The following NTRK3 variants were observed in gnomAD, a reference collection of about 807,000 sequenced individuals.
NTRK3 encodes NT-3 growth factor receptor.
NTRK3 carries 24 observed loss-of-function variants against 91.7 expected under a neutral mutation model. The observed-to-expected ratio is 0.26, with a 90% confidence interval of 0.19 to 0.37. The LOEUF (loss-of-function observed/expected upper bound fraction) is 0.37, where lower values mean the gene tolerates loss of function less well. Among genes scored for constraint, NTRK3 ranks in the 10% least tolerant of loss-of-function variants. NTRK3 has a pLI of 1.00. For synonymous variants in NTRK3, 483 were observed against 404.0 expected (o/e 1.20, Z -2.34); for missense variants, 880 against 1,068.9 (o/e 0.82, Z 2.46).
rs1334119707 is a variant in NTRK3, at chr15:87,981,504, C to A, written c.1586-40751G>T. ...AGCTCCTGTACCCACTCTGCTGTGC[C>A]TGTAGTGGCAGCTGGTTTATTTTAC... On this transcript the variant is annotated intron_variant, in intron 14 of 18. Transcript: ENST00000394480. 2.2e-5 allele frequency: 23 copies of A among 1,047,642 alleles called. No homozygotes were observed. The Admixed American group carries it at 2.3e-4, about 10-fold the overall frequency. The allele number at this position is 1,047,642 out of a possible 1,614,324, so 64.9% of individuals were successfully genotyped here. A position where few individuals can be genotyped will look rare whatever the true frequency, so the allele number is the denominator to read the frequency against.
chr15:88,212,562 T>A (rs2049346624), intron 3 of NTRK3, among the ~76,000 whole-genome samples: 1 of 152,150 alleles, frequency 6.6e-6, no homozygotes, highest in Admixed American at 6.5e-5. Flanking sequence ...GACACTTCTC[T>A]GTTGATGGAC....
intron 14 of NTRK3, among the ~76,000 whole-genome samples, chr15:88,029,374 A>C (rs1196123646): frequency 6.6e-6 from 1 of 152,234 alleles, no homozygotes; most frequent in Non-Finnish European, 1.5e-5. Context: ...GCTAGGAAAA[A>C]TGCTATGGAC....
At chr15:88,113,075 G>A (rs2051603397) in intron 13 of NTRK3, among the ~76,000 whole-genome samples, 1 of 152,138 alleles carries the variant, frequency 6.6e-6, no homozygotes, top group Admixed American at 6.5e-5. Flanking sequence ...TCTTCCCCAA[G>A]TCTGCATTCA....
intron 14 of NTRK3, among the ~76,000 whole-genome samples, chr15:87,943,768 C>T (rs1453812276): frequency 6.6e-6 from 1 of 152,114 alleles, no homozygotes; most frequent in African/African-American, 2.4e-5. Flanking sequence ...TTTCTCAGCC[C>T]TCCCTCAACA....
Position 88,046,558 on chromosome 15 carries a change from AGCAAACACATTAGCCTGTAGCTCCATCT to A in NTRK3, c.1397-13541_1397-13514del, listed in dbSNP as rs1268064618. Among the ~76,000 whole-genome samples, 11 of 152,208 alleles carry A rather than the reference AGCAAACACATTAGCCTGTAGCTCCATCT, an allele frequency of 7.2e-5. 1 individual carries two copies. The highest frequency in any genetic ancestry group is 2.7e-4 in the African/African-American group (11 of 41,442). On this transcript the variant is annotated intron_variant, in intron 13 of 18. Coordinates refer to ENST00000394480, the Ensembl canonical transcript of NTRK3. ...CAGTGCAAGGAAGGACACCTCACCCAGCAAACACATTAGCCTGTAGCTCCATCTGCCCACATACTTCATCCTTGTCCCA... is the reference window on the plus strand; with the variant it reads ...CAGTGCAAGGAAGGACACCTCACCCAGCCCACATACTTCATCCTTGTCCCA...
At chr15:88,090,486 A>G (rs2048919820) in intron 13 of NTRK3, among the ~76,000 whole-genome samples, 1 of 152,164 alleles carries the variant, frequency 6.6e-6, no homozygotes, top group African/African-American at 2.4e-5. Flanking sequence ...CAAAAAGGAG[A>G]AAGAGTGAGA....
chr15:88,149,975 A>G (rs1469383028), intron 5 of NTRK3, among the ~76,000 whole-genome samples: 1 of 152,158 alleles, frequency 6.6e-6, no homozygotes, highest in Non-Finnish European at 1.5e-5. Flanking sequence ...CAAATCCATG[A>G]GGTAATCCCT....
exon 16 of NTRK3, chr15:87,933,070 C>T (rs2141955034): frequency 1.9e-6 from 3 of 1,614,074 alleles, no homozygotes; most frequent in Non-Finnish European, 2.5e-6. Flanking sequence ...ATGAGGGGGT[C>T]CCCATCGCCG....
chr15:88,144,117 C>T (rs955436535), intron 6 of NTRK3: 1 of 152,078 alleles, frequency 6.6e-6, no homozygotes, highest in Non-Finnish European at 1.5e-5. Context: ...TCTCTGATTC[C>T]TGCTCTGATT....
At chr15:87,935,112 C>T (rs2069149261) in intron 15 of NTRK3, among the ~76,000 whole-genome samples, 1 of 152,114 alleles carries the variant, frequency 6.6e-6, no homozygotes, top group Non-Finnish European at 1.5e-5. Context: ...CTTTCCTGCC[C>T]AGCACACCTG....
intron 13 of NTRK3, among the ~76,000 whole-genome samples, chr15:88,104,581 A>C (rs557611398): frequency 6.6e-6 from 1 of 152,312 alleles, no homozygotes; most frequent in East Asian, 1.9e-4. Flanking sequence ...CCCAGCTATC[A>C]GCACTGAAGT....
exon 16 of NTRK3, chr15:87,933,155 C>G (rs1376694644): frequency 1.9e-6 from 3 of 1,614,158 alleles, no homozygotes; most frequent in Admixed American, 3.3e-5. Flanking sequence ...GGAAATCCTT[C>G]CGGGCAGCCA....
chr15:88,157,651 C>T (rs887966917), intron 5 of NTRK3, among the ~76,000 whole-genome samples: 3 of 152,134 alleles, frequency 2.0e-5, no homozygotes, highest in African/African-American at 7.2e-5. Flanking sequence ...CATGGGGGAA[C>T]AGTGGGGAGC....
chr15:87,931,016 T>A, intron 16 of NTRK3: 7 of 321,088 alleles, frequency 2.2e-5, no homozygotes, highest in South Asian at 1.5e-4. Context: ...GCACTGGCAC[T>A]GCCCCTCACC....
intron 13 of NTRK3, among the ~76,000 whole-genome samples, chr15:88,111,961 CA>C (rs2150980894): frequency 1.3e-5 from 2 of 149,368 alleles, no homozygotes; most frequent in South Asian, 4.2e-4. Context: ...GGCTGGAGTG[CA>C]GTGGCACGAT....
At chr15:87,979,425 C>T (rs776254178) in intron 14 of NTRK3, 12 of 1,613,006 alleles carry the variant, frequency 7.4e-6, no homozygotes, top group East Asian at 2.2e-5. Flanking sequence ...TTGGAATGTC[C>T]GGGAAGGCTT....
At chr15:88,128,613 G>A (rs1049027334) in intron 11 of NTRK3, 98 bp downstream of exon 11, 1 of 1,286,120 alleles carries the variant, frequency 7.8e-7, no homozygotes, top group African/African-American at 1.5e-5. Context: ...CCATGGGCCA[G>A]GGATGATGTG....
intron 13 of NTRK3, among the ~76,000 whole-genome samples, chr15:88,095,997 T>C (rs1196183680): frequency 6.6e-6 from 1 of 152,222 alleles, no homozygotes; most frequent in East Asian, 1.9e-4. Flanking sequence ...CTAACAGCGA[T>C]TTGATTTTCT....
In NTRK3 at chr15:87,860,200, G is replaced by A. The variant is rs552280275; in HGVS notation, c.*16735C>T. The A allele has an allele frequency of 8.1e-5, 18 of 222,810 alleles. No individual in the cohort carries two copies. The South Asian group carries it at 2.9e-3, about 36-fold the overall frequency. 13.8% of individuals were successfully genotyped at this position (222,810 alleles called of 1,614,324 possible). On this transcript the variant is annotated 3_prime_UTR_variant, in exon 19 of 19. Transcript: ENST00000394480. ...GACACATGTTTGCCTTGGGATGGAAGCATGAGGGTGAAGAATGGGGTGATG... is the reference window on the plus strand; with the variant it reads ...GACACATGTTTGCCTTGGGATGGAAACATGAGGGTGAAGAATGGGGTGATG...
Sources: gnomAD v4.1 joint callset for allele counts (sites outside exome capture counted in the v4.1 genomes callset) on GRCh38, gnomAD v4.1.1 for gene constraint, MANE v1.5 for transcripts, NCBI Gene and HGNC (gene_info 2026-07-23, HGNC 2026-07-21) for gene names.